The following CHRM2 variants were observed in gnomAD, a reference collection of about 807,000 sequenced individuals.
CHRM2 encodes the protein muscarinic acetylcholine receptor M2.
In CHRM2, 8 loss-of-function variants were observed where a neutral mutation model predicts 25.0. That is an observed-to-expected ratio of 0.32 (90% CI 0.19 to 0.58). The LOEUF is 0.58. Ranked by LOEUF, CHRM2 falls within the 20% of genes least tolerant of loss-of-function variation. The pLI, the probability that CHRM2 is intolerant of heterozygous loss-of-function variation, is 0.88. For synonymous variants in CHRM2, 202 were observed against 205.7 expected (o/e 0.98, Z 0.15); for missense variants, 440 against 567.1 (o/e 0.78, Z 2.28).
In CHRM2 at chr7:137,016,288, A is replaced by T; in HGVS notation, c.*22A>T. 2.5e-6 allele frequency: 4 copies of T among 1,604,918 alleles called. No homozygotes were observed. Among genetic ancestry groups the T allele is most frequent in the Non-Finnish European group, 3.4e-6 (4 of 1,172,216 alleles). On this transcript the variant is annotated 3_prime_UTR_variant, in exon 4 of 4. Coordinates refer to ENST00000680005, the MANE Select transcript of CHRM2 (RefSeq NM_001006630.2). The stretch of plus-strand genomic sequence containing the variant: ...GTAAAATATCTTTGAAAAAGATAGA[A>T]GGTGGGCAAGGGGAGCTTGAGAAGA...
intron 2 of CHRM2, among the ~76,000 whole-genome samples, chr7:136,977,388 C>CT (rs11348259): frequency 4.6e-5 from 7 of 151,232 alleles, no homozygotes; most frequent in Non-Finnish European, 7.4e-5. Flanking sequence ...TTCCCTGAAT[C>CT]TTTTTTTTTT....
chr7:136,950,783 C>CTAT (rs557913559), intron 2 of CHRM2, among the ~76,000 whole-genome samples: 12 of 149,678 alleles, frequency 8.0e-5, no homozygotes, highest in African/African-American at 2.7e-4. Context: ...AACCCCCAAC[C>CTAT]TGTTGTTGTT....
intron 2 of CHRM2, among the ~76,000 whole-genome samples, chr7:136,925,153 T>C (rs767153643): frequency 5.3e-5 from 8 of 152,228 alleles, no homozygotes; most frequent in Non-Finnish European, 1.2e-4. Flanking sequence ...AGATGTGCTC[T>C]GAGCAGTGCT....
intron 2 of CHRM2, among the ~76,000 whole-genome samples, chr7:136,969,456 A>G (rs1303119035): frequency 6.6e-6 from 1 of 152,108 alleles, no homozygotes; most frequent in Non-Finnish European, 1.5e-5. Context: ...TGCTTATTCA[A>G]ATTTCACCTG....
intron 3 of CHRM2, among the ~76,000 whole-genome samples, chr7:137,001,980 G>C (rs1162698057): frequency 1.3e-5 from 2 of 152,118 alleles, no homozygotes; most frequent in African/African-American, 4.8e-5. Context: ...TAGAATGGTT[G>C]AAGGAAAGAA....
chr7:136,972,654 T>C (rs1801850719), intron 2 of CHRM2, among the ~76,000 whole-genome samples: 1 of 152,238 alleles, frequency 6.6e-6, no homozygotes, highest in Admixed American at 6.5e-5. Context: ...GTCTGCATTG[T>C]TGATGAAGGT....
At position 137,017,406 on chromosome 7, in the gene CHRM2, C is replaced by A. The variant is rs1805244124; in HGVS notation, c.*1140C>A. The A allele has an allele frequency of 6.6e-6, 1 of 151,896 alleles. No homozygotes were observed. The highest frequency in any genetic ancestry group is 2.4e-5 in the African/African-American group (1 of 41,400). 9.4% of individuals were successfully genotyped at this position (151,896 alleles called of 1,614,324 possible). A position where few individuals can be genotyped will look rare whatever the true frequency, so the allele number is the denominator to read the frequency against. Reference sequence around the variant, plus strand: ...GAATGCTGTTTTATTTATTTGGAATCCTAAACAGGATTAACATACTCACAT... The same window carrying A: ...GAATGCTGTTTTATTTATTTGGAATACTAAACAGGATTAACATACTCACAT... On this transcript the variant is annotated 3_prime_UTR_variant, in exon 4 of 4. Coordinates refer to ENST00000680005, the MANE Select transcript of CHRM2 (RefSeq NM_001006630.2).
At chr7:136,904,152 T>A (rs1284651458) in intron 2 of CHRM2, among the ~76,000 whole-genome samples, 1 of 151,922 alleles carries the variant, frequency 6.6e-6, no homozygotes, top group Non-Finnish European at 1.5e-5. Flanking sequence ...TATTTCATAA[T>A]CACTTGATTA....
intron 2 of CHRM2, among the ~76,000 whole-genome samples, chr7:136,957,293 G>A (rs1356696490): frequency 6.6e-6 from 1 of 152,112 alleles, no homozygotes; most frequent in Non-Finnish European, 1.5e-5. Context: ...ATGCACACAT[G>A]TATGTGTGTA....
chr7:136,878,227 G>A (rs565076324), intron 2 of CHRM2, among the ~76,000 whole-genome samples: 48 of 152,032 alleles, frequency 3.2e-4, no homozygotes, highest in African/African-American at 1.1e-3. Flanking sequence ...CAGCCCCAGG[G>A]CCAAAGCATG....
Position 137,019,389 on chromosome 7 carries a change from AT to A in CHRM2, c.*3125del, listed in dbSNP as rs1175043187. 2 of 151,890 alleles carry A rather than the reference AT, an allele frequency of 1.3e-5. No individual in the cohort carries two copies. The allele number at this position is 151,890 out of a possible 1,614,324, so 9.4% of individuals were successfully genotyped here. On this transcript the variant is annotated 3_prime_UTR_variant, in exon 4 of 4. Coordinates refer to ENST00000680005, the MANE Select transcript of CHRM2 (RefSeq NM_001006630.2). ...TCCAGCATCTTAATGTTCAATTATG[AT>A]TGCCACAGATCTAGTCAATTGAGGT...
At chr7:137,002,762 TTTC>T (rs1166013621) in intron 3 of CHRM2, among the ~76,000 whole-genome samples, 5 of 152,180 alleles carry the variant, frequency 3.3e-5, no homozygotes, top group Admixed American at 2.0e-4. Flanking sequence ...GGTTACTTAT[TTTC>T]TTGAGAGAAA....
intron 2 of CHRM2, among the ~76,000 whole-genome samples, chr7:136,908,458 C>G (rs987437305): frequency 2.6e-5 from 4 of 151,790 alleles, no homozygotes; most frequent in Non-Finnish European, 4.4e-5. Flanking sequence ...ATTGCAATAC[C>G]TCTCTGTTAA....
chr7:136,962,482 T>C (rs1273170400), intron 2 of CHRM2, among the ~76,000 whole-genome samples: 4 of 151,980 alleles, frequency 2.6e-5, no homozygotes, highest in Non-Finnish European at 5.9e-5. Flanking sequence ...GGGTGAGTGG[T>C]AGTGGTGGCA....
chr7:136,978,917 G>A (rs1307995230), intron 2 of CHRM2, among the ~76,000 whole-genome samples: 4 of 152,140 alleles, frequency 2.6e-5, no homozygotes, highest in African/African-American at 7.2e-5. Context: ...ACATACGTGT[G>A]CATGTGTCTG....
chr7:136,905,399 C>T (rs1159414375), intron 2 of CHRM2, among the ~76,000 whole-genome samples: 1 of 151,410 alleles, frequency 6.6e-6, no homozygotes, highest in South Asian at 2.1e-4. Flanking sequence ...ATAAATCTAC[C>T]TGATTTGTAG....
At chr7:136,984,785 A>G (rs1802734989) in intron 2 of CHRM2, among the ~76,000 whole-genome samples, 1 of 151,570 alleles carries the variant, frequency 6.6e-6, no homozygotes, top group Non-Finnish European at 1.5e-5. Context: ...TCCACTGTCT[A>G]ACAATCTCAA....
chr7:136,996,819 A>T (rs1803634786), intron 3 of CHRM2, among the ~76,000 whole-genome samples: 1 of 152,234 alleles, frequency 6.6e-6, no homozygotes, highest in Admixed American at 6.5e-5. Flanking sequence ...CCCAGTACTA[A>T]CAGCAAAGGT....
intron 2 of CHRM2, among the ~76,000 whole-genome samples, chr7:136,984,876 A>C (rs1386103472): frequency 6.6e-6 from 1 of 152,018 alleles, no homozygotes; most frequent in East Asian, 1.9e-4. Flanking sequence ...TGCAGACCAG[A>C]GCTGTTCCTA....
Sources: gnomAD v4.1 joint callset for allele counts (sites outside exome capture counted in the v4.1 genomes callset) on GRCh38, gnomAD v4.1.1 for gene constraint, MANE v1.5 for transcripts, NCBI Gene and HGNC (gene_info 2026-07-23, HGNC 2026-07-21) for gene names.